The following ABAT variants were observed in gnomAD, a reference collection of about 807,000 sequenced individuals.
ABAT encodes 4-aminobutyrate aminotransferase, also known as 4-aminobutyrate aminotransferase, mitochondrial.
In ABAT, 45 loss-of-function variants were observed where a neutral mutation model predicts 64.6. The ratio of observed to expected loss-of-function variants is 0.70; its 90% CI spans 0.55 to 0.89. The LOEUF is 0.89. Ranked by LOEUF, ABAT falls within the 40% of genes least tolerant of loss-of-function variation. The probability of loss-of-function intolerance (pLI) is 0.00; values close to 1 mark genes in which losing one functional copy is unlikely to be tolerated. For synonymous variants in ABAT, 297 were observed against 250.5 expected (o/e 1.19, Z -1.75); for missense variants, 633 against 658.4 (o/e 0.96, Z 0.42).
intron 5 of ABAT, among the ~76,000 whole-genome samples, chr16:8,756,229 G>A (rs980420491): frequency 6.6e-6 from 1 of 152,110 alleles, no homozygotes; most frequent in Admixed American, 6.6e-5. Context: ...AAAAGAAGAG[G>A]GGAGGGGAAG....
rs2058778446 is a variant in ABAT, at chr16:8,732,887, C to CGCCCCTCACCTCCGGACGGG, written c.-41-2809_-41-2790dup. ...CCCAGTAGGGGAGGCCGGGCAGAGGCGCCCCTCACCTCCGGACGGGGCGGC... is the reference window on the plus strand; with the variant it reads ...CCCAGTAGGGGAGGCCGGGCAGAGGCGCCCCTCACCTCCGGACGGGGCCCCTCACCTCCGGACGGGGCGGC... On this transcript the variant is annotated intron_variant, in intron 1 of 15. Coordinates refer to ENST00000268251, the MANE Select transcript of ABAT (RefSeq NM_020686.6). 3.3e-5 allele frequency among the ~76,000 whole-genome samples: 5 copies of CGCCCCTCACCTCCGGACGGG among 150,032 alleles called. No individual in the cohort carries two copies. In the South Asian group the frequency reaches 1.0e-3, roughly 31 times the overall value.
chr16:8,713,769 C>G, intron 1 of ABAT: 1 of 432,170 alleles, frequency 2.3e-6, no homozygotes, highest in Non-Finnish European at 4.8e-6. Flanking sequence ...TAGGATGAAC[C>G]CAGCCAGCTG....
intron 1 of ABAT, among the ~76,000 whole-genome samples, chr16:8,704,584 C>T (rs1254164044): frequency 6.6e-6 from 1 of 151,698 alleles, no homozygotes; most frequent in Non-Finnish European, 1.5e-5. Flanking sequence ...ACAGAAAACA[C>T]ATGTCTTTCC....
At chr16:8,700,911 C>CTTTT (rs1174749864) in intron 1 of ABAT, among the ~76,000 whole-genome samples, 19 of 131,560 alleles carry the variant, frequency 1.4e-4, no homozygotes, top group African/African-American at 4.8e-4. Context: ...GGCCTTAATT[C>CTTTT]TTTTTTTTTT....
At chr16:8,691,545 T>G (rs1425650696) in intron 1 of ABAT, among the ~76,000 whole-genome samples, 2 of 152,144 alleles carry the variant, frequency 1.3e-5, no homozygotes, top group African/African-American at 4.8e-5. Context: ...GTTCAAGCAA[T>G]TCTCCTGCCT....
chr16:8,758,218 C>T (rs757718163), intron 6 of ABAT, among the ~76,000 whole-genome samples: 53 of 152,262 alleles, frequency 3.5e-4, no homozygotes, highest in Middle Eastern at 3.4e-3. Context: ...GATGCAGAAA[C>T]TGAGGCACAG....
intron 1 of ABAT, among the ~76,000 whole-genome samples, chr16:8,687,013 A>G (rs2057470697): frequency 6.6e-6 from 1 of 152,136 alleles, no homozygotes; most frequent in Non-Finnish European, 1.5e-5. Context: ...GTGGAGGTGA[A>G]GGCATGCTGA....
chr16:8,760,755 G>A (rs1886708774), intron 6 of ABAT, among the ~76,000 whole-genome samples: 1 of 152,186 alleles, frequency 6.6e-6, no homozygotes, highest in South Asian at 2.1e-4. Flanking sequence ...AGGCAGAAGC[G>A]TCCTCAACAA....
intron 1 of ABAT, among the ~76,000 whole-genome samples, chr16:8,683,911 T>C (rs2057391815): frequency 6.6e-6 from 1 of 151,930 alleles, no homozygotes; most frequent in Non-Finnish European, 1.5e-5. Flanking sequence ...CCATGTGCTG[T>C]GTACAGTAGT....
intron 3 of ABAT, among the ~76,000 whole-genome samples, chr16:8,747,164 G>A (rs1050677378): frequency 3.3e-5 from 5 of 152,124 alleles, no homozygotes; most frequent in Admixed American, 2.0e-4. Flanking sequence ...CTTGCCTTAA[G>A]TCCAGAGTCA....
intron 1 of ABAT, among the ~76,000 whole-genome samples, chr16:8,719,746 GAAGA>G (rs1440232761): frequency 6.6e-6 from 1 of 151,952 alleles, no homozygotes; most frequent in East Asian, 1.9e-4. Context: ...AAAAAAAGAA[GAAGA>G]AAGAAGGAGG....
intron 2 of ABAT, among the ~76,000 whole-genome samples, chr16:8,739,725 C>T (rs192915761): frequency 1.5e-4 from 22 of 149,900 alleles, no homozygotes; most frequent in African/African-American, 4.2e-4. Context: ...TCCCATTTTA[C>T]AAGCATGGAA....
intron 1 of ABAT, chr16:8,713,598 T>G (rs1179766737): frequency 3.3e-6 from 1 of 304,292 alleles, no homozygotes; most frequent in Non-Finnish European, 6.7e-6. Context: ...CCCTCTCCCT[T>G]GCGCACTTGC....
chr16:8,713,368 T>C lies in ABAT; in HGVS notation c.-41-22331T>C, dbSNP rs188010410. 4 of 158,426 alleles carry C rather than the reference T, an allele frequency of 2.5e-5. No homozygotes were observed. In the East Asian group the frequency reaches 7.4e-4, roughly 29 times the overall value. The allele number at this position is 158,426 out of a possible 1,614,324, so 9.8% of individuals were successfully genotyped here. The stretch of plus-strand genomic sequence containing the variant: ...ATTTTACAAGGTCTGAAATGATGTG[T>C]CTTATCCTTCTGGCTTAAACCAAGC... On this transcript the variant is annotated intron_variant, in intron 1 of 15. Coordinates refer to ENST00000268251, the MANE Select transcript of ABAT (RefSeq NM_020686.6).
At chr16:8,689,522 A>C (rs1482618417) in intron 1 of ABAT, among the ~76,000 whole-genome samples, 1 of 152,238 alleles carries the variant, frequency 6.6e-6, no homozygotes, top group East Asian at 1.9e-4. Context: ...AAGTCTAATC[A>C]TATGCACAAC....
chr16:8,754,727 T>A (rs1206181630), intron 5 of ABAT, among the ~76,000 whole-genome samples: 1 of 149,146 alleles, frequency 6.7e-6, no homozygotes, highest in Non-Finnish European at 1.5e-5. Context: ...TCTTTCTTTT[T>A]TTTTTCTTGA....
rs759033920 is a variant in ABAT, at chr16:8,764,160, G to C, written c.447+11G>C. ...CAGTCCTTGCTCTCGGTGAGTTCTG[G>C]AGAAGCAATCCCATTGTCTTCAGAC... On this transcript the variant is annotated intron_variant, in intron 7 of 15. Transcript: ENST00000268251. The surrounding 1 kb of genome is among the most constrained non-coding windows in gnomAD (Gnocchi z 4.2). 1.2e-6 allele frequency: 2 copies of C among 1,611,002 alleles called. No individual in the cohort carries two copies. Among genetic ancestry groups the C allele is most frequent in the East Asian group, 4.5e-5 (2 of 44,854 alleles).
intron 6 of ABAT, among the ~76,000 whole-genome samples, chr16:8,761,453 C>A (rs898490323): frequency 6.6e-6 from 1 of 152,216 alleles, no homozygotes; most frequent in Non-Finnish European, 1.5e-5. Flanking sequence ...CTTCTTTAGC[C>A]TTATTACTTG....
intron 1 of ABAT, among the ~76,000 whole-genome samples, chr16:8,707,807 C>A (rs1310298839): frequency 6.6e-6 from 1 of 152,130 alleles, no homozygotes; most frequent in Non-Finnish European, 1.5e-5. Context: ...TCAGCTCAAG[C>A]AAACCTCCAG....
Sources: gnomAD v4.1 joint callset for allele counts (sites outside exome capture counted in the v4.1 genomes callset) on GRCh38, gnomAD v4.1.1 for gene constraint, Gnocchi (gnomAD v3.1) non-coding constraint, MANE v1.5 for transcripts, NCBI Gene and HGNC (gene_info 2026-07-23, HGNC 2026-07-21) for gene names.